The following KCND2 variants were observed in gnomAD, a reference collection of about 807,000 sequenced individuals.
KCND2 encodes potassium voltage-gated channel subfamily D member 2, also known as A-type voltage-gated potassium channel KCND2.
Under a neutral mutation model 54.4 loss-of-function variants are expected in KCND2, and 16 were observed. That is an observed-to-expected ratio of 0.29 (90% CI 0.20 to 0.45). The LOEUF is 0.45. Among genes scored for constraint, KCND2 ranks in the 20% least tolerant of loss-of-function variants. The pLI is 1.00. For synonymous variants in KCND2, 317 were observed against 310.7 expected, an observed-to-expected ratio of 1.02 and a Z score of -0.21; for missense variants, 486 against 824.2, an observed-to-expected ratio of 0.59 and a Z score of 5.02.
At chr7:120,390,688 TTTTG>T (rs1037350686) in intron 1 of KCND2, among the ~76,000 whole-genome samples, 8 of 152,044 alleles carry the variant, frequency 5.3e-5, no homozygotes, top group African/African-American at 1.9e-4. Flanking sequence ...GTTTCCTTCA[TTTTG>T]TTTATCAAAA....
chr7:120,290,245 C>G (rs1447244949), intron 1 of KCND2, among the ~76,000 whole-genome samples: 1 of 151,982 alleles, frequency 6.6e-6, no homozygotes, highest in Admixed American at 6.6e-5. Context: ...CCCTTTCTAG[C>G]CACTTCTTCA....
Position 120,557,804 on chromosome 7 carries a change from AAAATT to A in KCND2, c.1116-175097_1116-175093del, listed in dbSNP as rs1162833419. On this transcript the variant is annotated intron_variant, in intron 1 of 5. Coordinates refer to ENST00000331113, the MANE Select transcript of KCND2 (RefSeq NM_012281.3). ...GGTAACACTTAATAAGTGCTCAGTA[AAAATT>A]ATCTGAATTAAATTTAATGTCAACA... is the stretch of plus-strand genomic sequence containing the variant. Among the ~76,000 whole-genome samples the A allele has an allele frequency of 4.6e-5, 7 of 152,262 alleles. 1 individual carries two copies. The highest frequency in any genetic ancestry group is 1.3e-4 in the Admixed American group (2 of 15,282).
intron 1 of KCND2, among the ~76,000 whole-genome samples, chr7:120,570,013 G>A (rs964485027): frequency 1.7e-4 from 26 of 152,200 alleles, no homozygotes; most frequent in African/African-American, 5.3e-4. Flanking sequence ...GTTAGGTAGC[G>A]CATTAAGGAT....
chr7:120,747,675 T>C lies in KCND2; in HGVS notation c.1716-6T>C, dbSNP rs781548931. ...TTACTTTCCTAAATATTTTTTTTTC[T>C]ATCAGCCGATCCAGTTTAAATGCCA... is the stretch of plus-strand genomic sequence containing the variant. On this transcript the variant is annotated splice_polypyrimidine_tract_variant and splice_region_variant and intron_variant, in intron 5 of 5. Transcript: ENST00000331113. 25 of 1,607,620 alleles carry C rather than the reference T, an allele frequency of 1.6e-5. No homozygotes were observed. Among genetic ancestry groups the C allele is most frequent in the Non-Finnish European group, 1.8e-5 (21 of 1,174,872 alleles).
At chr7:120,511,257 C>A (rs1803110586) in intron 1 of KCND2, among the ~76,000 whole-genome samples, 1 of 151,974 alleles carries the variant, frequency 6.6e-6, no homozygotes, top group South Asian at 2.1e-4. Flanking sequence ...CTTCCCTCAC[C>A]CTACCCACAC....
chr7:120,657,513 A>C (rs1791817397), intron 1 of KCND2, among the ~76,000 whole-genome samples: 1 of 152,116 alleles, frequency 6.6e-6, no homozygotes, highest in Admixed American at 6.5e-5. Flanking sequence ...ATTTGCGTAC[A>C]TGCTAGTGTG....
At chr7:120,408,885 G>A (rs940995210) in intron 1 of KCND2, among the ~76,000 whole-genome samples, 5 of 151,836 alleles carry the variant, frequency 3.3e-5, no homozygotes, top group African/African-American at 1.2e-4. Context: ...GCAATATGTG[G>A]AGTATTTAAA....
chr7:120,329,794 T>C (rs565432286), intron 1 of KCND2, among the ~76,000 whole-genome samples: 2 of 152,314 alleles, frequency 1.3e-5, no homozygotes, highest in East Asian at 3.9e-4. Flanking sequence ...AAGTACTTTC[T>C]GCTATTATCC....
chr7:120,579,160 A>G (rs1481759961), intron 1 of KCND2, among the ~76,000 whole-genome samples: 1 of 152,168 alleles, frequency 6.6e-6, no homozygotes, highest in Admixed American at 6.5e-5. Context: ...CTATAGAAAG[A>G]GGATAGAGAT....
rs575122298 is a variant in KCND2 at position 120,543,171 on chromosome 7, T to A, written c.1116-189732T>A. 9.2e-5 allele frequency among the ~76,000 whole-genome samples: 14 copies of A among 152,180 alleles called. No homozygotes were observed. In the South Asian group the frequency reaches 2.1e-3, roughly 22 times the overall value. ...AATATATATATATATATCTAACCGATGTTATCTTCCAGATTCTTTCTCTGA... is the reference window on the plus strand; with the variant it reads ...AATATATATATATATATCTAACCGAAGTTATCTTCCAGATTCTTTCTCTGA... On this transcript the variant is annotated intron_variant, in intron 1 of 5. Transcript: ENST00000331113.
intron 1 of KCND2, among the ~76,000 whole-genome samples, chr7:120,682,681 A>T (rs1355670504): frequency 2.0e-5 from 3 of 152,154 alleles, no homozygotes; most frequent in Admixed American, 2.0e-4. Flanking sequence ...TGACAAGATT[A>T]TCTGAATGGG....
chr7:120,503,657 A>G (rs1190541987), intron 1 of KCND2, among the ~76,000 whole-genome samples: 1 of 151,926 alleles, frequency 6.6e-6, no homozygotes, highest in East Asian at 1.9e-4. Flanking sequence ...GATTCTGCTC[A>G]TAATTCCTCA....
intron 1 of KCND2, among the ~76,000 whole-genome samples, chr7:120,592,391 A>G (rs1453562250): frequency 6.6e-6 from 1 of 152,114 alleles, no homozygotes; most frequent in Non-Finnish European, 1.5e-5. Context: ...ATCTCTAAAG[A>G]TACAAAAATT....
chr7:120,535,478 A>G (rs1414123507), intron 1 of KCND2, among the ~76,000 whole-genome samples: 2 of 152,156 alleles, frequency 1.3e-5, no homozygotes, highest in Admixed American at 1.3e-4. Context: ...GGAAGGTAAC[A>G]TCACTTAACT....
At chr7:120,356,390 A>G (rs1800505736) in intron 1 of KCND2, among the ~76,000 whole-genome samples, 1 of 152,182 alleles carries the variant, frequency 6.6e-6, no homozygotes, top group East Asian at 1.9e-4. Flanking sequence ...AGCAAATGTT[A>G]GGTTCTTTAT....
chr7:120,281,376 C>T (rs949981634), intron 1 of KCND2, among the ~76,000 whole-genome samples: 8 of 151,682 alleles, frequency 5.3e-5, no homozygotes, highest in African/African-American at 1.9e-4. Flanking sequence ...GCATTGCTCT[C>T]CCACTAGCTT....
At chr7:120,626,323 G>A (rs1489488509) in intron 1 of KCND2, among the ~76,000 whole-genome samples, 3 of 152,062 alleles carry the variant, frequency 2.0e-5, no homozygotes, top group Non-Finnish European at 2.9e-5. Context: ...GAGTAGCATG[G>A]CCTCTTCTTT....
intron 1 of KCND2, among the ~76,000 whole-genome samples, chr7:120,452,000 C>A (rs752732170): frequency 1.3e-5 from 2 of 152,216 alleles, no homozygotes; most frequent in Non-Finnish European, 2.9e-5. Flanking sequence ...AAATCGATAA[C>A]ACATTTTTAA....
chr7:120,625,535 G>T (rs892843096), intron 1 of KCND2, among the ~76,000 whole-genome samples: 1 of 152,124 alleles, frequency 6.6e-6, no homozygotes, highest in Non-Finnish European at 1.5e-5. Flanking sequence ...CTGAGATAGA[G>T]TAATTCATTT....
Sources: gnomAD v4.1 joint callset for allele counts (sites outside exome capture counted in the v4.1 genomes callset) on GRCh38, gnomAD v4.1.1 for gene constraint, MANE v1.5 for transcripts, NCBI Gene and HGNC (gene_info 2026-07-23, HGNC 2026-07-21) for gene names.